The following FHOD3 variants were observed in gnomAD, a reference collection of about 807,000 sequenced individuals.
FHOD3 encodes the protein FH1/FH2 domain-containing protein 3.
Under a neutral mutation model 173.0 loss-of-function variants are expected in FHOD3, and 90 were observed. That is an observed-to-expected ratio of 0.52 (90% confidence interval 0.44 to 0.62). The LOEUF (loss-of-function observed/expected upper bound fraction) is 0.62. Among genes scored for constraint, FHOD3 ranks in the 20% least tolerant of loss-of-function variants. FHOD3 has a pLI of 0.00. For synonymous variants in FHOD3, 828 were observed against 823.0 expected, an observed-to-expected ratio of 1.01 and a Z score of -0.10; for missense variants, 1,945 against 2,034.7, an observed-to-expected ratio of 0.96 and a Z score of 0.85.
chr18:36,385,400 G>A (rs1030048647), intron 3 of FHOD3, among the ~76,000 whole-genome samples: 15 of 151,994 alleles, frequency 9.9e-5, no homozygotes, highest in African/African-American at 3.6e-4. Flanking sequence ...ATCCTGTTTT[G>A]TTTTGTTTTT....
At chr18:36,653,248 G>T in intron 12 of FHOD3, 94 bp from the exon 13 acceptor site, 1 of 967,884 alleles carries the variant, frequency 1.0e-6, no homozygotes, top group Non-Finnish European at 1.5e-6. Flanking sequence ...ACCAAGCCAG[G>T]TGGCATGAAG....
chr18:36,581,080 C>T (rs1048977111), intron 6 of FHOD3, among the ~76,000 whole-genome samples: 1 of 152,218 alleles, frequency 6.6e-6, no homozygotes, highest in Non-Finnish European at 1.5e-5. Flanking sequence ...ATTTGAGACT[C>T]ATAGCCAGGG....
chr18:36,541,074 A>C (rs568777207), intron 5 of FHOD3, among the ~76,000 whole-genome samples: 1 of 150,894 alleles, frequency 6.6e-6, no homozygotes, highest in African/African-American at 2.4e-5. Context: ...AACATGGCTA[A>C]ATCCCATCTC....
chr18:36,390,575 A>G (rs72886034), intron 3 of FHOD3, among the ~76,000 whole-genome samples: 8,138 of 152,226 alleles, frequency 0.053, 366 homozygotes, highest in South Asian at 0.18. Flanking sequence ...GATTTTTTTC[A>G]GAAAACACTT....
At chr18:36,739,566 C>T (rs953069636) in intron 20 of FHOD3, among the ~76,000 whole-genome samples, 1 of 152,196 alleles carries the variant, frequency 6.6e-6, no homozygotes, top group African/African-American at 2.4e-5. Flanking sequence ...GAATTAACAT[C>T]TTGTCTGCGT....
chr18:36,734,008 G>T (rs184596108), intron 20 of FHOD3, among the ~76,000 whole-genome samples: 163 of 152,248 alleles, frequency 1.1e-3, no homozygotes, highest in Non-Finnish European at 1.8e-3. Flanking sequence ...TTTGTGTGCT[G>T]CAGAGAATAA....
At chr18:36,603,356 G>A (rs776038192) in intron 8 of FHOD3, among the ~76,000 whole-genome samples, 6 of 152,080 alleles carry the variant, frequency 3.9e-5, no homozygotes, top group Non-Finnish European at 5.9e-5. Flanking sequence ...GAGTGGATGC[G>A]TGCAGGTGTG....
In FHOD3 at chr18:36,574,628, AT is replaced by A. The variant is rs978950596; in HGVS notation, c.512-1816del. The stretch of plus-strand genomic sequence containing the variant: ...AATCTCTTTGTAATAAATTCTGTGA[AT>A]TTTTTTATTGTATCTATAATTTTAC... On this transcript the variant is annotated intron_variant, in intron 5 of 28. Transcript: ENST00000590592. 4.6e-5 allele frequency among the ~76,000 whole-genome samples: 7 copies of A among 152,008 alleles called. No homozygotes were observed. In the East Asian group the frequency reaches 7.7e-4, roughly 17 times the overall value.
At position 36,766,994 on chromosome 18, in the gene FHOD3, C is replaced by G. The variant is rs1209028382; in HGVS notation, c.4625-2271C>G. Among the ~76,000 whole-genome samples, 6 of 152,272 alleles carry G rather than the reference C, an allele frequency of 3.9e-5. No homozygotes were observed. The East Asian group carries it at 1.2e-3, about 29-fold the overall frequency. On this transcript the variant is annotated intron_variant, in intron 27 of 28. Transcript: ENST00000590592. The stretch of plus-strand genomic sequence containing the variant: ...AAACACAATTGCATGATTGATTGCT[C>G]TACTCTGAGGAGGACCATTGTTCAG...
At chr18:36,588,831 T>C (rs1009962114) in intron 6 of FHOD3, among the ~76,000 whole-genome samples, 3 of 152,312 alleles carry the variant, frequency 2.0e-5, no homozygotes, top group Non-Finnish European at 2.9e-5. Context: ...TACAGGCAAC[T>C]CCACACTCTT....
chr18:36,721,686 G>A (rs1323330584), intron 19 of FHOD3, among the ~76,000 whole-genome samples: 1 of 152,168 alleles, frequency 6.6e-6, no homozygotes, highest in African/African-American at 2.4e-5. Flanking sequence ...TTACACTGGA[G>A]AGCTGAATCC....
intron 5 of FHOD3, among the ~76,000 whole-genome samples, chr18:36,534,799 C>T (rs1016482155): frequency 3.9e-5 from 6 of 152,212 alleles, no homozygotes; most frequent in African/African-American, 1.2e-4. Flanking sequence ...GAGGCACACT[C>T]CAGCAAAAGA....
At chr18:36,450,068 C>G (rs934777654) in intron 3 of FHOD3, among the ~76,000 whole-genome samples, 6 of 152,048 alleles carry the variant, frequency 3.9e-5, no homozygotes, top group East Asian at 1.9e-4. Context: ...TATCCCTCAC[C>G]CCGCTCCCAC....
chr18:36,596,001 A>G (rs2030297171), intron 7 of FHOD3, among the ~76,000 whole-genome samples: 1 of 152,146 alleles, frequency 6.6e-6, no homozygotes, highest in African/African-American at 2.4e-5. Flanking sequence ...AAAGATAATC[A>G]CTGTTAACCT....
At chr18:36,477,544 CACCTACCTACCT>C (rs61272960) in intron 3 of FHOD3, among the ~76,000 whole-genome samples, 866 of 63,244 alleles carry the variant, frequency 0.014, 16 homozygotes, top group African/African-American at 0.024. Flanking sequence ...CCCACCCACC[CACCTACCTACCT>C]ACCTACCTAC....
intron 3 of FHOD3, among the ~76,000 whole-genome samples, chr18:36,459,386 A>C (rs929216620): frequency 2.0e-4 from 30 of 152,310 alleles, no homozygotes; most frequent in African/African-American, 6.5e-4. Context: ...GAGAGTGATC[A>C]ATCAAACCCT....
intron 1 of FHOD3, among the ~76,000 whole-genome samples, chr18:36,341,775 T>C (rs780273623): frequency 6.6e-5 from 10 of 152,210 alleles, no homozygotes; most frequent in East Asian, 1.9e-4. Context: ...TCTGTTCCTA[T>C]GGCTTGCAAG....
At chr18:36,695,085 G>A (rs2039195998) in intron 17 of FHOD3, among the ~76,000 whole-genome samples, 1 of 151,910 alleles carries the variant, frequency 6.6e-6, no homozygotes, top group Admixed American at 6.6e-5. Flanking sequence ...GCTCTTGCGT[G>A]TAATCCCAGC....
chr18:36,311,186 G>C (rs1160998252), intron 1 of FHOD3, among the ~76,000 whole-genome samples: 1 of 151,094 alleles, frequency 6.6e-6, no homozygotes, highest in Non-Finnish European at 1.5e-5. Flanking sequence ...AGGGAGACAG[G>C]GACAAGCCTC....
Sources: gnomAD v4.1 joint callset for allele counts (sites outside exome capture counted in the v4.1 genomes callset) on GRCh38, gnomAD v4.1.1 for gene constraint, MANE v1.5 for transcripts, NCBI Gene and HGNC (gene_info 2026-07-23, HGNC 2026-07-21) for gene names.